The following FHIT variants were observed in gnomAD, a reference collection of about 807,000 sequenced individuals.
The protein encoded by FHIT is bis(5'-adenosyl)-triphosphatase.
In FHIT, 19 loss-of-function variants were observed where a neutral mutation model predicts 17.9. The observed-to-expected ratio is 1.06, with a 90% CI of 0.74 to 1.56. The LOEUF is 1.56. Among genes scored for constraint, FHIT ranks in the 40% most tolerant of loss-of-function variants. The pLI is 0.00. For missense variants in FHIT, 248 were observed against 189.2 expected, an observed-to-expected ratio of 1.31 and a Z score of -1.82; for synonymous variants, 81 against 69.7, an observed-to-expected ratio of 1.16 and a Z score of -0.81.
intron 3 of FHIT, among the ~76,000 whole-genome samples, chr3:60,871,747 C>T (rs1704426092): frequency 6.6e-6 from 1 of 152,140 alleles, no homozygotes; most frequent in Non-Finnish European, 1.5e-5. Flanking sequence ...GATCCTCCCA[C>T]CTCAGCCTCC....
chr3:60,188,421 T>C lies in FHIT; in HGVS notation c.104-174269A>G, dbSNP rs147451565. Among the ~76,000 whole-genome samples, 207 of 152,262 alleles carry C rather than the reference T, an allele frequency of 1.4e-3. 1 individual carries two copies. Among genetic ancestry groups the C allele is most frequent in the Middle Eastern group, 3.4e-3 (1 of 294 alleles). Reference sequence around the variant, plus strand: ...TATTTTTTAGTTGAAAAAGTGACTGTATTTTGTAAAATTATACACAACCAA... The same window carrying C: ...TATTTTTTAGTTGAAAAAGTGACTGCATTTTGTAAAATTATACACAACCAA... On this transcript the variant is annotated intron_variant, in intron 5 of 9. Coordinates refer to ENST00000492590, the MANE Select transcript of FHIT (RefSeq NM_002012.4).
At chr3:61,213,158 T>A (rs1029169655) in intron 1 of FHIT, among the ~76,000 whole-genome samples, 4 of 152,158 alleles carry the variant, frequency 2.6e-5, no homozygotes, top group African/African-American at 7.2e-5. Flanking sequence ...CATAACAATA[T>A]TAACTTTAAA....
chr3:60,127,035 T>C (rs1288492181), intron 5 of FHIT, among the ~76,000 whole-genome samples: 1 of 152,176 alleles, frequency 6.6e-6, no homozygotes, highest in Non-Finnish European at 1.5e-5. Context: ...CACTCTTCTC[T>C]AGTATTCTAG....
chr3:59,984,921 T>C (rs746017772), intron 7 of FHIT, among the ~76,000 whole-genome samples: 5 of 152,060 alleles, frequency 3.3e-5, no homozygotes, highest in Non-Finnish European at 7.4e-5. Context: ...GGGTCAGCAG[T>C]ATTGGGCTTC....
chr3:60,391,074 G>T (rs34808738), intron 5 of FHIT, among the ~76,000 whole-genome samples: 1 of 150,984 alleles, frequency 6.6e-6, no homozygotes, highest in African/African-American at 2.5e-5. Context: ...TGTGGTCCCA[G>T]CTTCTCATGA....
intron 2 of FHIT, among the ~76,000 whole-genome samples, chr3:61,162,154 T>C (rs1372106085): frequency 6.6e-6 from 1 of 152,212 alleles, no homozygotes; most frequent in Admixed American, 6.5e-5. Flanking sequence ...TAGTTAAGAC[T>C]CTACCTGACA....
intron 7 of FHIT, among the ~76,000 whole-genome samples, chr3:59,986,534 T>TAA (rs1288319088): frequency 1.0e-3 from 12 of 11,798 alleles, no homozygotes; most frequent in Admixed American, 2.4e-3. Context: ...TATATATATA[T>TAA]ATATATACAC....
intron 5 of FHIT, among the ~76,000 whole-genome samples, chr3:60,281,338 T>C (rs1024538150): frequency 2.0e-5 from 3 of 152,100 alleles, no homozygotes; most frequent in African/African-American, 7.2e-5. Flanking sequence ...AAAAAGCTGA[T>C]TGTAAAGTTC....
At chr3:60,497,749 G>A (rs1238513285) in intron 5 of FHIT, among the ~76,000 whole-genome samples, 1 of 152,098 alleles carries the variant, frequency 6.6e-6, no homozygotes, top group African/African-American at 2.4e-5. Flanking sequence ...AATAATTCCA[G>A]GCAATTCTCT....
At chr3:60,682,908 A>T (rs2107866172) in intron 4 of FHIT, among the ~76,000 whole-genome samples, 1 of 152,356 alleles carries the variant, frequency 6.6e-6, no homozygotes, top group South Asian at 2.1e-4. Context: ...ACAACAAAAT[A>T]TTAACATGAA....
intron 3 of FHIT, among the ~76,000 whole-genome samples, chr3:61,013,010 T>C (rs1384327805): frequency 2.6e-5 from 4 of 152,158 alleles, no homozygotes; most frequent in Admixed American, 6.5e-5. Context: ...CAACTCATTA[T>C]AGTATTTAGA....
At chr3:60,382,655 T>C (rs1378379622) in intron 5 of FHIT, among the ~76,000 whole-genome samples, 2 of 152,182 alleles carry the variant, frequency 1.3e-5, no homozygotes, top group Non-Finnish European at 2.9e-5. Context: ...GAGTCCATAT[T>C]ATTCCCTGAT....
intron 4 of FHIT, among the ~76,000 whole-genome samples, chr3:60,650,900 C>A (rs1275334308): frequency 6.6e-6 from 1 of 152,012 alleles, no homozygotes; most frequent in Admixed American, 6.5e-5. Flanking sequence ...ATTCAGCCAA[C>A]AAAAAAACCA....
At chr3:59,756,435 G>A (rs1266027718) in intron 8 of FHIT, among the ~76,000 whole-genome samples, 1 of 152,116 alleles carries the variant, frequency 6.6e-6, no homozygotes, top group East Asian at 1.9e-4. Context: ...AGAATGTGGT[G>A]GAGGTCAAAG....
intron 5 of FHIT, among the ~76,000 whole-genome samples, chr3:60,124,438 A>G (rs1705446892): frequency 6.6e-6 from 1 of 152,046 alleles, no homozygotes; most frequent in African/African-American, 2.4e-5. Flanking sequence ...GTCTTTCTTC[A>G]TCCTTGGATA....
intron 2 of FHIT, among the ~76,000 whole-genome samples, chr3:61,106,769 T>C (rs1425232091): frequency 6.6e-6 from 1 of 152,192 alleles, no homozygotes; most frequent in Non-Finnish European, 1.5e-5. Context: ...CAAGTGATTC[T>C]TCTGCCTCAG....
At chr3:60,424,517 C>T (rs1177416765) in intron 5 of FHIT, among the ~76,000 whole-genome samples, 6 of 152,152 alleles carry the variant, frequency 3.9e-5, no homozygotes, top group African/African-American at 9.7e-5. Flanking sequence ...CATCCTAAAG[C>T]TTTGGTTTCC....
chr3:60,834,384 A>C (rs1481180819), intron 3 of FHIT, among the ~76,000 whole-genome samples: 6 of 152,064 alleles, frequency 3.9e-5, no homozygotes, highest in Admixed American at 3.3e-4. Context: ...TCATGTGCTT[A>C]TTTGCCATCT....
At chr3:59,976,015 G>A (rs1708394641) in intron 7 of FHIT, among the ~76,000 whole-genome samples, 1 of 152,046 alleles carries the variant, frequency 6.6e-6, no homozygotes, top group Non-Finnish European at 1.5e-5. Context: ...AAGGACTTGG[G>A]TTCAGACACA....
Sources: gnomAD v4.1 joint callset for allele counts (sites outside exome capture counted in the v4.1 genomes callset) on GRCh38, gnomAD v4.1.1 for gene constraint, MANE v1.5 for transcripts, NCBI Gene and HGNC (gene_info 2026-07-23, HGNC 2026-07-21) for gene names.